The following KIAA1217 variants were observed in gnomAD, a reference collection of about 807,000 sequenced individuals.
KIAA1217 encodes sickle tail protein homolog.
KIAA1217 carries 88 observed loss-of-function variants against 163.9 expected under a neutral mutation model. That is an observed-to-expected ratio of 0.54 (90% CI 0.45 to 0.64). KIAA1217 has a LOEUF of 0.64. Ranked by LOEUF, KIAA1217 falls within the 30% of genes least tolerant of loss-of-function variation. The pLI, the probability that KIAA1217 is intolerant of heterozygous loss-of-function variation, is 0.00. For missense variants in KIAA1217, 2,372 were observed against 2,475.0 expected (o/e 0.96, Z 0.88); for synonymous variants, 903 against 923.1 (o/e 0.98, Z 0.39).
intron 1 of KIAA1217, among the ~76,000 whole-genome samples, chr10:23,966,476 C>T (rs1845071793): frequency 1.3e-5 from 2 of 152,176 alleles, no homozygotes; most frequent in African/African-American, 4.8e-5. Flanking sequence ...CGTGTGCTCT[C>T]TCAAGCAGTA....
intron 1 of KIAA1217, among the ~76,000 whole-genome samples, chr10:23,779,043 T>C (rs895426874): frequency 2.0e-5 from 3 of 152,218 alleles, no homozygotes; most frequent in Non-Finnish European, 4.4e-5. Flanking sequence ...TCATGTCTAC[T>C]TGTAGAAGAC....
intron 1 of KIAA1217, among the ~76,000 whole-genome samples, chr10:23,781,577 T>C (rs1288140601): frequency 1.3e-5 from 2 of 152,200 alleles, no homozygotes; most frequent in Non-Finnish European, 2.9e-5. Context: ...TGTGCAGAAG[T>C]TTTTTAGTTT....
Position 24,215,107 on chromosome 10 carries a change from G to T in KIAA1217, c.71-4519G>T, listed in dbSNP as rs79851616. ...ACTTTCTATGCTTTCTTTCCAGAATGCCAAATCCTAGCCTGGGAGCTCCTT... is the reference window on the plus strand; with the variant it reads ...ACTTTCTATGCTTTCTTTCCAGAATTCCAAATCCTAGCCTGGGAGCTCCTT... On this transcript the variant is annotated intron_variant, in intron 1 of 20. Coordinates refer to ENST00000376454, the MANE Select transcript of KIAA1217 (RefSeq NM_019590.5). 3.7e-4 allele frequency among the ~76,000 whole-genome samples: 56 copies of T among 152,322 alleles called. No individual in the cohort carries two copies. In the East Asian group the frequency reaches 8.9e-3, roughly 24 times the overall value.
At chr10:24,479,770 G>A (rs982346610) in intron 6 of KIAA1217, among the ~76,000 whole-genome samples, 1 of 152,208 alleles carries the variant, frequency 6.6e-6, no homozygotes, top group Non-Finnish European at 1.5e-5. Flanking sequence ...GGTCAAGGGA[G>A]AAGTGAACCC....
chr10:24,018,516 A>G (rs1397125204), intron 2 of KIAA1217, among the ~76,000 whole-genome samples: 1 of 151,858 alleles, frequency 6.6e-6, no homozygotes, highest in Non-Finnish European at 1.5e-5. Context: ...TATGTAACAA[A>G]CCTGCACATT....
chr10:23,918,733 T>TATATACACAC (rs769797460), intron 1 of KIAA1217, among the ~76,000 whole-genome samples: 102 of 147,576 alleles, frequency 6.9e-4, no homozygotes, highest in African/African-American at 2.4e-3. Context: ...ATTAAATATA[T>TATATACACAC]ACACACACAC....
chr10:24,158,037 C>A, intron 2 of KIAA1217: 2 of 758,532 alleles, frequency 2.6e-6, no homozygotes, highest in Non-Finnish European at 2.4e-6. Flanking sequence ...CCTTTACTTG[C>A]AGGTGGGTCA....
chr10:24,141,470 C>T (rs1003414471), intron 2 of KIAA1217, among the ~76,000 whole-genome samples: 6 of 151,970 alleles, frequency 3.9e-5, no homozygotes, highest in East Asian at 1.9e-4. Context: ...CCTCAGGGAA[C>T]GAAAAAGGAC....
At chr10:24,427,837 G>T (rs376098920) in intron 3 of KIAA1217, among the ~76,000 whole-genome samples, 10 of 152,172 alleles carry the variant, frequency 6.6e-5, no homozygotes, top group African/African-American at 2.2e-4. Context: ...AACGCCATCG[G>T]ATATTAAGAG....
chr10:24,385,805 C>A (rs530731060), intron 3 of KIAA1217, among the ~76,000 whole-genome samples: 31 of 152,280 alleles, frequency 2.0e-4, no homozygotes, highest in Non-Finnish European at 3.5e-4. Flanking sequence ...AAAGTGAAAA[C>A]CGCCTTCCAA....
chr10:24,345,281 A>C (rs2047588231), intron 2 of KIAA1217, among the ~76,000 whole-genome samples: 2 of 152,216 alleles, frequency 1.3e-5, no homozygotes, highest in African/African-American at 2.4e-5. Context: ...GCTTGGCTTG[A>C]GTTCCCCTCC....
chr10:24,018,186 A>G (rs1366408613), intron 2 of KIAA1217, among the ~76,000 whole-genome samples: 1 of 152,084 alleles, frequency 6.6e-6, no homozygotes. Context: ...AAGTCACCAA[A>G]CACAAAAAAG....
intron 7 of KIAA1217, 91 bp from the exon 8 acceptor site, chr10:24,495,056 T>G (rs1365265534): frequency 9.3e-7 from 1 of 1,070,118 alleles, no homozygotes; most frequent in South Asian, 1.4e-5. Flanking sequence ...TCACTGCCAA[T>G]TGCTTCAAAT....
At chr10:23,884,261 C>T (rs904091539) in intron 1 of KIAA1217, among the ~76,000 whole-genome samples, 23 of 151,972 alleles carry the variant, frequency 1.5e-4, no homozygotes, top group Admixed American at 4.6e-4. Context: ...TCCACATCCC[C>T]ACCAGCATTT....
At chr10:23,756,841 G>A (rs1833944967) in intron 1 of KIAA1217, among the ~76,000 whole-genome samples, 1 of 152,002 alleles carries the variant, frequency 6.6e-6, no homozygotes, top group African/African-American at 2.4e-5. Context: ...CATATTGTTT[G>A]GTGACCATCA....
At chr10:24,120,136 T>C (rs1306191894) in intron 2 of KIAA1217, among the ~76,000 whole-genome samples, 1 of 152,212 alleles carries the variant, frequency 6.6e-6, no homozygotes, top group East Asian at 1.9e-4. Context: ...TTAAAGATCA[T>C]TATCTGCCAG....
At chr10:24,038,058 T>A (rs755651594) in intron 2 of KIAA1217, among the ~76,000 whole-genome samples, 12 of 152,184 alleles carry the variant, frequency 7.9e-5, no homozygotes, top group Non-Finnish European at 1.8e-4. Context: ...TGCCTTTTAT[T>A]TTTGTAAGGG....
chr10:24,270,717 T>C (rs1183520948), intron 2 of KIAA1217, among the ~76,000 whole-genome samples: 1 of 152,174 alleles, frequency 6.6e-6, no homozygotes, highest in Non-Finnish European at 1.5e-5. Context: ...ATTTTTGTTT[T>C]ATTTTTTTTA....
intron 3 of KIAA1217, among the ~76,000 whole-genome samples, chr10:24,403,849 T>TAAC (rs964318331): frequency 1.5e-4 from 23 of 152,266 alleles, no homozygotes; most frequent in Non-Finnish European, 2.8e-4. Context: ...AAAATAGAGA[T>TAAC]AACACCCAAT....
Sources: allele counts gnomAD v4.1 joint callset (sites outside exome capture counted in the v4.1 genomes callset), GRCh38; gene constraint gnomAD v4.1.1; transcripts MANE v1.5; gene names NCBI Gene and HGNC (gene_info 2026-07-23, HGNC 2026-07-21).